Variants in ASXL3 observed in about 807,000 individuals in gnomAD.
ASXL3 encodes putative Polycomb group protein ASXL3.
Under a neutral mutation model 170.6 loss-of-function variants are expected in ASXL3, and 34 were observed. The observed-to-expected ratio is 0.20, with a 90% confidence interval of 0.15 to 0.27. ASXL3 has a LOEUF of 0.27. ASXL3 is among the 10% of genes least tolerant of loss of function. The pLI is 1.00. For synonymous variants in ASXL3, 1,002 were observed against 989.1 expected (o/e 1.01, Z -0.24); for missense variants, 2,592 against 2,695.3 (o/e 0.96, Z 0.85).
At chr18:33,725,015 G>GAATT (rs1223689716) in intron 8 of ASXL3, among the ~76,000 whole-genome samples, 2 of 152,046 alleles carry the variant, frequency 1.3e-5, no homozygotes, top group Non-Finnish European at 2.9e-5. Flanking sequence ...TGGGCCATCT[G>GAATT]AATTATACTT....
Position 33,620,243 on chromosome 18 carries a change from G to A in ASXL3, c.137+12567G>A, listed in dbSNP as rs530288416. On this transcript the variant is annotated intron_variant, in intron 2 of 11. Coordinates refer to ENST00000269197, the MANE Select transcript of ASXL3 (RefSeq NM_030632.3). ...AGCATGTCTGCAGGAAATACAATTC[G>A]TACAATGATTATTCAGTTTGTAGCT... 3.0e-4 allele frequency among the ~76,000 whole-genome samples: 45 copies of A among 152,208 alleles called. 1 individual carries two copies. The South Asian group carries it at 7.7e-3, about 26-fold the overall frequency.
chr18:33,738,702 T>A lies in ASXL3; in HGVS notation c.1298T>A (p.Ile433Lys), dbSNP rs371946333. 3.7e-6 allele frequency: 6 copies of A among 1,613,870 alleles called. No individual in the cohort carries two copies. The highest frequency in any genetic ancestry group is 5.1e-6 in the Non-Finnish European group (6 of 1,179,870). The change falls in exon 11 of 12, where the codon ATA (isoleucine) becomes AAA (lysine). Residue 433 changes from isoleucine (I) to lysine (K), a missense_variant. Coordinates refer to ENST00000269197, the MANE Select transcript of ASXL3 (RefSeq NM_030632.3). ...ATGGTAGAAATTCCACCTAAAGATA[T>A]AATGGCAGAATTGGAGTCAGAGGAT... ...CPMVEIPPKD[I>K]MAELESEDIL...
Position 33,745,762 on chromosome 18 carries a change from T to C in ASXL3, c.5914T>C (p.Leu1972=), listed in dbSNP as rs756733590. Residue 1972 remains leucine (L), a synonymous_variant, in exon 12 of 12, where the codon TTG becomes CTG. Transcript: ENST00000269197. ...AFNRHLEQKG[L]GEVSLSSAPH... The stretch of plus-strand genomic sequence containing the variant: ...CAACAGGCATCTTGAACAGAAGGGA[T>C]TGGGAGAGGTTAGTCTTTCCTCAGC... 50 of 1,613,832 alleles carry C rather than the reference T, an allele frequency of 3.1e-5. No individual in the cohort carries two copies. The Admixed American group carries it at 7.8e-4, about 25-fold the overall frequency.
At chr18:33,672,629 C>T (rs1310512599) in intron 7 of ASXL3, among the ~76,000 whole-genome samples, 3 of 152,144 alleles carry the variant, frequency 2.0e-5, no homozygotes. Flanking sequence ...ATGATAATAA[C>T]CTGGATCGTT....
chr18:33,580,896 C>T lies in ASXL3; in HGVS notation c.54+2211C>T, dbSNP rs571469360. Reference sequence around the variant, plus strand: ...AAATGTGTATGTATTCAAAATGTGCCAGTTAAAATCAAATACTGAATAAAA... The same window carrying T: ...AAATGTGTATGTATTCAAAATGTGCTAGTTAAAATCAAATACTGAATAAAA... On this transcript the variant is annotated intron_variant, in intron 1 of 11. Transcript: ENST00000269197. Among the ~76,000 whole-genome samples, 16 of 152,118 alleles carry T rather than the reference C, an allele frequency of 1.1e-4. No homozygotes were observed. The East Asian group carries it at 2.5e-3, about 24-fold the overall frequency.
At chr18:33,669,398 G>T (rs1240876922) in intron 5 of ASXL3, among the ~76,000 whole-genome samples, 1 of 152,094 alleles carries the variant, frequency 6.6e-6, no homozygotes, top group Non-Finnish European at 1.5e-5. Flanking sequence ...AAGAAAATAT[G>T]TCTTATGTTA....
chr18:33,714,957 A>G (rs1463335788), intron 8 of ASXL3, among the ~76,000 whole-genome samples: 1 of 152,154 alleles, frequency 6.6e-6, no homozygotes, highest in Non-Finnish European at 1.5e-5. Flanking sequence ...GTTACCTAAC[A>G]AGGACAGCTG....
rs147048303 is a variant in ASXL3 at position 33,675,951 on chromosome 18, T to C, written c.715+4085T>C. Among the ~76,000 whole-genome samples, 1,111 of 151,974 alleles carry C rather than the reference T, an allele frequency of 7.3e-3. 3 individuals are homozygous for C. The highest frequency in any genetic ancestry group is 0.013 in the Admixed American group (195 of 15,266). On this transcript the variant is annotated intron_variant, in intron 7 of 11. Coordinates refer to ENST00000269197, the MANE Select transcript of ASXL3 (RefSeq NM_030632.3). ...GAAAAAAATTCCTCGGTTGGCTGGG[T>C]GCAGTGGCTCACACCTGTAATCCAG...
chr18:33,681,195 A>G (rs906282865), intron 7 of ASXL3, among the ~76,000 whole-genome samples: 6 of 151,922 alleles, frequency 3.9e-5, no homozygotes, highest in African/African-American at 7.2e-5. Context: ...TTTTATTTCC[A>G]CTTTGTTTGA....
In ASXL3 at chr18:33,750,768, T is replaced by TA. The variant is rs2145447438; in HGVS notation, c.*4177dup. ...CATTTTATATCAGCATACAGAAAAGTAAAATCCTCCTTCAGTCCTCTACCA... is the reference window on the plus strand; with the variant it reads ...CATTTTATATCAGCATACAGAAAAGTAAAAATCCTCCTTCAGTCCTCTACCA... On this transcript the variant is annotated 3_prime_UTR_variant, in exon 12 of 12. Transcript: ENST00000269197. The TA allele has an allele frequency of 6.6e-6, 1 of 152,264 alleles. No homozygotes were observed. Among genetic ancestry groups the TA allele is most frequent in the East Asian group, 1.9e-4 (1 of 5,182 alleles). 9.4% of individuals were successfully genotyped at this position (152,264 alleles called of 1,614,324 possible).
In ASXL3 at chr18:33,665,501, C is replaced by T. The variant is rs141014142; in HGVS notation, c.477+3764C>T. Reference sequence around the variant, plus strand: ...GTATTTCTAATCATTTGACTTTTAGCATTCACAGCATGTGATATTTTCAGA... The same window carrying T: ...GTATTTCTAATCATTTGACTTTTAGTATTCACAGCATGTGATATTTTCAGA... On this transcript the variant is annotated intron_variant, in intron 5 of 11. Transcript: ENST00000269197. Among the ~76,000 whole-genome samples, 1,201 of 152,262 alleles carry T rather than the reference C, an allele frequency of 7.9e-3. 9 individuals are homozygous for T. The highest frequency in any genetic ancestry group is 0.029 in the South Asian group (142 of 4,830).
At chr18:33,713,229 G>GTTTTTTTTTTTTTTTTTTTTTTTTT (rs1478922106) in intron 8 of ASXL3, among the ~76,000 whole-genome samples, 3 of 81,770 alleles carry the variant, frequency 3.7e-5, no homozygotes, top group African/African-American at 6.2e-5. Flanking sequence ...CCACAAGAAG[G>GTTTTTTTTTTTTTTTTTTTTTTTTT]TTTTTTTTGT....
At position 33,650,720 on chromosome 18, in the gene ASXL3, AAT is replaced by A. The variant is rs1400096948; in HGVS notation, c.355+4368_355+4369del. ...AAACATATCCAGCTAATGTGACAAA[AAT>A]TAGATTTCCTGACCTCTCCTTTGAA... is the stretch of plus-strand genomic sequence containing the variant. On this transcript the variant is annotated intron_variant, in intron 4 of 11. Transcript: ENST00000269197. Among the ~76,000 whole-genome samples, 4 of 152,270 alleles carry A rather than the reference AAT, an allele frequency of 2.6e-5. No homozygotes were observed. The East Asian group carries it at 7.7e-4, about 29-fold the overall frequency.
chr18:33,682,435 A>C (rs1428988191), intron 7 of ASXL3, among the ~76,000 whole-genome samples: 2 of 152,182 alleles, frequency 1.3e-5, no homozygotes, highest in East Asian at 3.9e-4. Context: ...CTTGGGTCTC[A>C]TGATTTTGAG....
chr18:33,598,842 G>A (rs970378309), intron 1 of ASXL3, among the ~76,000 whole-genome samples: 1 of 152,114 alleles, frequency 6.6e-6, no homozygotes, highest in African/African-American at 2.4e-5. Context: ...TTGTCCAAAG[G>A]CCTGGGTTCA....
At chr18:33,604,307 G>T (rs1219902729) in intron 1 of ASXL3, among the ~76,000 whole-genome samples, 1 of 151,854 alleles carries the variant, frequency 6.6e-6, no homozygotes, top group African/African-American at 2.4e-5. Context: ...CATGAAAAAA[G>T]TATATTCAAA....
intron 1 of ASXL3, among the ~76,000 whole-genome samples, chr18:33,604,030 G>A: frequency 6.6e-6 from 1 of 151,850 alleles, no homozygotes; most frequent in East Asian, 1.9e-4. Context: ...CTGTTTTTGA[G>A]GAAATGAATT....
At chr18:33,737,119 G>A (rs1020851091) in intron 10 of ASXL3, among the ~76,000 whole-genome samples, 4 of 152,198 alleles carry the variant, frequency 2.6e-5, no homozygotes, top group African/African-American at 7.2e-5. Flanking sequence ...GTTATAAATT[G>A]TAGCTTAGTT....
rs559019525 is a variant in ASXL3, at chr18:33,666,904, A to T, written c.478-3769A>T. 2.0e-5 allele frequency among the ~76,000 whole-genome samples: 3 copies of T among 152,308 alleles called. No individual in the cohort carries two copies. In the South Asian group the frequency reaches 6.2e-4, roughly 32 times the overall value. ...GCTAGGCTACACGTCGTACAGTGGG[A>T]CAAGGATGCTGACTGTGCTTGTGGC... On this transcript the variant is annotated intron_variant, in intron 5 of 11. Transcript: ENST00000269197.
Sources: gnomAD v4.1 joint callset for allele counts (sites outside exome capture counted in the v4.1 genomes callset) on GRCh38, gnomAD v4.1.1 for gene constraint, MANE v1.5 for transcripts, NCBI Gene and HGNC (gene_info 2026-07-23, HGNC 2026-07-21) for gene names.